PIK3IP1: variants seen among roughly 807,000 people sequenced by gnomAD.
The protein encoded by PIK3IP1 is phosphoinositide-3-kinase interacting protein 1.
In PIK3IP1, 28 loss-of-function variants were observed where a neutral mutation model predicts 30.7. That is an observed-to-expected ratio of 0.91 (90% confidence interval 0.68 to 1.25). The LOEUF (loss-of-function observed/expected upper bound fraction) is 1.25. PIK3IP1 is among the 50% of genes most tolerant of loss of function. The probability of loss-of-function intolerance (pLI) is 0.00; values close to 1 mark genes in which losing one functional copy is unlikely to be tolerated. For synonymous variants in PIK3IP1, 159 were observed against 140.8 expected (o/e 1.13, Z -0.91); for missense variants, 333 against 346.2 (o/e 0.96, Z 0.30).
Position 31,282,166 on chromosome 22 carries a change from A to G in PIK3IP1, c.*918T>C, listed in dbSNP as rs548683656. The G allele has an allele frequency of 6.6e-5, 10 of 152,178 alleles. No individual in the cohort carries two copies. The South Asian group carries it at 2.1e-3, about 32-fold the overall frequency. 9.4% of individuals were successfully genotyped at this position (152,178 alleles called of 1,614,324 possible). The stretch of plus-strand genomic sequence containing the variant: ...CAGGACCACCTGCTAAATCAGGCCC[A>G]CTTGGGGAGCAAGCCCTGAAGTGCT... On this transcript the variant is annotated 3_prime_UTR_variant, in exon 6 of 6. Coordinates refer to ENST00000215912, the MANE Select transcript of PIK3IP1 (RefSeq NM_052880.5).
At chr22:31,289,160 T>C in intron 5 of PIK3IP1, 155 bp downstream of exon 5, 1 of 711,878 alleles carries the variant, frequency 1.4e-6, no homozygotes, top group Non-Finnish European at 2.4e-6. Flanking sequence ...GGAAAGGGTT[T>C]GTCCAAGGTC....
Position 31,282,326 on chromosome 22 carries a change from C to T in PIK3IP1, c.*758G>A, listed in dbSNP as rs2049095767. On this transcript the variant is annotated 3_prime_UTR_variant, in exon 6 of 6. Coordinates refer to ENST00000215912, the MANE Select transcript of PIK3IP1 (RefSeq NM_052880.5). ...AAATGAAGACAGGTCACTATCCATC[C>T]CTGAAGAGAAACTGGGGCATCCCAG... is the stretch of plus-strand genomic sequence containing the variant. The T allele has an allele frequency of 6.5e-6, 1 of 152,674 alleles. No homozygotes were observed. Among genetic ancestry groups the T allele is most frequent in the South Asian group, 2.1e-4 (1 of 4,824 alleles). 9.5% of individuals were successfully genotyped at this position (152,674 alleles called of 1,614,324 possible). A position where few individuals can be genotyped will look rare whatever the true frequency, so the allele number is the denominator to read the frequency against.
chr22:31,283,354 C>T (rs959568775), intron 5 of PIK3IP1, 66 bp from the exon 6 acceptor site: 1 of 1,538,072 alleles, frequency 6.5e-7, no homozygotes. Flanking sequence ...CATTAGATAG[C>T]ATCCCTGAGG....
chr22:31,287,479 C>T (rs1254070693), intron 5 of PIK3IP1, among the ~76,000 whole-genome samples: 1 of 151,576 alleles, frequency 6.6e-6, no homozygotes, highest in Non-Finnish European at 1.5e-5. Flanking sequence ...TACAAGTGCC[C>T]GCCACCACGC....
At position 31,282,947 on chromosome 22, in the gene PIK3IP1, C is replaced by A; in HGVS notation, c.*137G>T. ...CCCACAGGGCCACCTGCTTCTGTCA[C>A]TCTTACTAGGATTCGCCAAAAAAGC... is the stretch of plus-strand genomic sequence containing the variant. On this transcript the variant is annotated 3_prime_UTR_variant, in exon 6 of 6. Transcript: ENST00000215912. The A allele has an allele frequency of 1.5e-6, 1 of 679,690 alleles. No homozygotes were observed. The highest frequency in any genetic ancestry group is 1.9e-5 in the South Asian group (1 of 53,848). 42.1% of individuals were successfully genotyped at this position (679,690 alleles called of 1,614,324 possible).
chr22:31,291,467 G>T (rs1020729691), intron 1 of PIK3IP1, among the ~76,000 whole-genome samples, 171 bp from the exon 2 acceptor site: 2 of 26,232 alleles, frequency 7.6e-5, no homozygotes, highest in African/African-American at 2.4e-4. Context: ...CACGCCCCAC[G>T]CACCCCCCCC....
chr22:31,289,475 G>A, intron 4 of PIK3IP1, 24 bp downstream of exon 4: 2 of 1,541,194 alleles, frequency 1.3e-6, no homozygotes, highest in South Asian at 1.3e-5. Flanking sequence ...TCCCAACGAG[G>A]GCAGGGGTGG....
chr22:31,287,102 C>T (rs190358326), intron 5 of PIK3IP1, among the ~76,000 whole-genome samples: 23 of 146,136 alleles, frequency 1.6e-4, no homozygotes, highest in East Asian at 7.9e-4. Flanking sequence ...CTCACCATAG[C>T]GACTTCCCAG....
Position 31,281,811 on chromosome 22 carries a change from C to CCG in PIK3IP1, c.*1272_*1273insCG, listed in dbSNP as rs16444. 1 of 152,418 alleles carries CCG rather than the reference C, an allele frequency of 6.6e-6. No homozygotes were observed. Among genetic ancestry groups the CCG allele is most frequent in the Non-Finnish European group, 1.5e-5 (1 of 67,970 alleles). The allele number at this position is 152,418 out of a possible 1,614,324, so 9.4% of individuals were successfully genotyped here. A position where few individuals can be genotyped will look rare whatever the true frequency, so the allele number is the denominator to read the frequency against. The stretch of plus-strand genomic sequence containing the variant: ...GGCTCCATAGAAAGCCCCACTAACC[C>CCG]GTCTCCACATTGGGCAGTGGAAGGG... On this transcript the variant is annotated 3_prime_UTR_variant, in exon 6 of 6. Transcript: ENST00000215912.
At chr22:31,283,798 G>C (rs550588907) in intron 5 of PIK3IP1, among the ~76,000 whole-genome samples, 1 of 151,962 alleles carries the variant, frequency 6.6e-6, no homozygotes. Flanking sequence ...TCTGAACTTC[G>C]GACCTAACCC....
chr22:31,283,482 A>C (rs1324287683), intron 5 of PIK3IP1, among the ~76,000 whole-genome samples, 194 bp from the exon 6 acceptor site: 1 of 152,142 alleles, frequency 6.6e-6, no homozygotes, highest in East Asian at 1.9e-4. Context: ...ACTCAACAAG[A>C]AGCTCCTGCA....
intron 5 of PIK3IP1, 33 bp downstream of exon 5, chr22:31,289,282 C>T (rs903292474): frequency 1.9e-6 from 3 of 1,609,918 alleles, no homozygotes; most frequent in Non-Finnish European, 2.6e-6. Context: ...TCCTCCCCTC[C>T]TCCTAAGAGG....
Position 31,282,746 on chromosome 22 carries a change from A to G in PIK3IP1, c.*338T>C. 1 of 281,158 alleles carries G rather than the reference A, an allele frequency of 3.6e-6. No individual in the cohort carries two copies. 17.4% of individuals were successfully genotyped at this position (281,158 alleles called of 1,614,324 possible). ...AGGCCATCTTAGTAAAGCACAGAGG[A>G]GCCTGGGGGAGCTCCCCGTCTATCC... On this transcript the variant is annotated 3_prime_UTR_variant, in exon 6 of 6. Transcript: ENST00000215912.
chr22:31,291,701 G>A (rs947127750), intron 1 of PIK3IP1, among the ~76,000 whole-genome samples: 1 of 152,170 alleles, frequency 6.6e-6, no homozygotes, highest in African/African-American at 2.4e-5. Context: ...TTGGGACGGG[G>A]GGCGCCCAGA....
In PIK3IP1 at chr22:31,289,705, G is replaced by A; in HGVS notation, c.308-6C>T. 7 of 1,551,940 alleles carry A rather than the reference G, an allele frequency of 4.5e-6. No individual in the cohort carries two copies. The highest frequency in any genetic ancestry group is 6.1e-6 in the Non-Finnish European group (7 of 1,147,088). On this transcript the variant is annotated splice_region_variant and splice_polypyrimidine_tract_variant and intron_variant, in intron 3 of 5. Transcript: ENST00000215912. The stretch of plus-strand genomic sequence containing the variant: ...CAGGGCCTGGGAGGTGGTCTCTGGA[G>A]ATGAGGTGGGAAACAGCTCTCATCA...
At chr22:31,284,608 G>A (rs2049117748) in intron 5 of PIK3IP1, among the ~76,000 whole-genome samples, 1 of 152,166 alleles carries the variant, frequency 6.6e-6, no homozygotes, top group Non-Finnish European at 1.5e-5. Flanking sequence ...ACTGCTTGGG[G>A]GTAGGGGGTG....
chr22:31,292,508 T>G (rs901973172), upstream of PIK3IP1: 14 of 611,816 alleles, frequency 2.3e-5, no homozygotes, highest in Non-Finnish European at 4.1e-5. Flanking sequence ...CCAGCTAGCT[T>G]GCTGCAGCGC....
chr22:31,291,443 C>T, intron 1 of PIK3IP1, 147 bp from the exon 2 acceptor site: 1 of 695,884 alleles, frequency 1.4e-6, no homozygotes, highest in Non-Finnish European at 2.5e-6. Context: ...CCTCTCCTCT[C>T]GTGGCAACAC....
chr22:31,286,121 C>T (rs987408422), intron 5 of PIK3IP1, among the ~76,000 whole-genome samples: 4 of 149,960 alleles, frequency 2.7e-5, no homozygotes, highest in South Asian at 2.1e-4. Flanking sequence ...TGCAGTGAGC[C>T]GACACAGCGA....
Sources: allele counts gnomAD v4.1 joint callset (sites outside exome capture counted in the v4.1 genomes callset), GRCh38; gene constraint gnomAD v4.1.1; transcripts MANE v1.5; gene names NCBI Gene and HGNC (gene_info 2026-07-23, HGNC 2026-07-21).